The following COMMD9 variants were observed in gnomAD, a reference collection of about 807,000 sequenced individuals.
COMMD9 encodes the protein COMM domain containing 9.
COMMD9 carries 22 observed loss-of-function variants against 23.4 expected under a neutral mutation model. The ratio of observed to expected loss-of-function variants is 0.94; its 90% CI spans 0.67 to 1.34. The LOEUF is 1.34. Ranked by LOEUF, COMMD9 falls within the 40% of genes most tolerant of loss-of-function variation. COMMD9 has a pLI of 0.00. For synonymous variants in COMMD9, 99 were observed against 97.4 expected (o/e 1.02, Z -0.10); for missense variants, 231 against 240.2 (o/e 0.96, Z 0.25).
intron 3 of COMMD9, among the ~76,000 whole-genome samples, chr11:36,277,689 G>C (rs754811831): frequency 2.0e-5 from 3 of 150,160 alleles, no homozygotes; most frequent in Admixed American, 1.3e-4. Context: ...TGTTTAAAAG[G>C]AACTTCCCAG....
In COMMD9 at chr11:36,280,706, A is replaced by G; in HGVS notation, c.177+6T>C. The G allele has an allele frequency of 6.3e-7, 1 of 1,588,986 alleles. No individual in the cohort carries two copies. Among genetic ancestry groups the G allele is most frequent in the East Asian group, 2.2e-5 (1 of 44,570 alleles). Reference sequence around the variant, plus strand: ...GTGGCCAAAGATCATTTCTGACCACACTTACTTCCTCTGCCTCCTCCTGGG... The same window carrying G: ...GTGGCCAAAGATCATTTCTGACCACGCTTACTTCCTCTGCCTCCTCCTGGG... On this transcript the variant is annotated splice_donor_region_variant and intron_variant, in intron 2 of 5. Transcript: ENST00000263401.
At chr11:36,284,609 TATC>T (rs1856121841) in intron 1 of COMMD9, among the ~76,000 whole-genome samples, 1 of 152,210 alleles carries the variant, frequency 6.6e-6, no homozygotes, top group Admixed American at 6.5e-5. Flanking sequence ...TACCCAGACA[TATC>T]ATATTCTGGG....
In COMMD9 at chr11:36,272,484, C is replaced by G. The variant is rs7933884; in HGVS notation, c.*2148G>C. 0.22 allele frequency: 34,116 copies of G among 152,158 alleles called. 4,147 individuals are homozygous for G. The highest frequency in any genetic ancestry group is 0.31 in the African/African-American group (12,941 of 41,440). The allele number at this position is 152,158 out of a possible 1,614,324, so 9.4% of individuals were successfully genotyped here. A position where few individuals can be genotyped will look rare whatever the true frequency, so the allele number is the denominator to read the frequency against. ...GGGAGGCCAAGAGGAAGGTATCTGACATCTCTCTCTGCAGGTCATGGGGAA... is the reference window on the plus strand; with the variant it reads ...GGGAGGCCAAGAGGAAGGTATCTGAGATCTCTCTCTGCAGGTCATGGGGAA... On this transcript the variant is annotated 3_prime_UTR_variant, in exon 6 of 6. Transcript: ENST00000263401.
At chr11:36,282,187 T>A (rs979757032) in intron 1 of COMMD9, among the ~76,000 whole-genome samples, 1 of 152,028 alleles carries the variant, frequency 6.6e-6, no homozygotes, top group Non-Finnish European at 1.5e-5. Flanking sequence ...TTTGTATCAT[T>A]GGAGTCCTGG....
In COMMD9 at chr11:36,278,591, G is replaced by GT; in HGVS notation, c.202dup (p.Thr68AsnfsTer2). On this transcript the variant is annotated frameshift_variant, in exon 3 of 6. Transcript: ENST00000263401. LOFTEE classifies it high-confidence loss of function. ...CAGGTCACGGAATGCCACCAGCCTAGTGAGGCGGTGCAGAGCCTGGAGCAG... is the reference window on the plus strand; with the variant it reads ...CAGGTCACGGAATGCCACCAGCCTAGTTGAGGCGGTGCAGAGCCTGGAGCAG... The GT allele has an allele frequency of 6.2e-7, 1 of 1,614,174 alleles. No homozygotes were observed. The highest frequency in any genetic ancestry group is 1.1e-5 in the South Asian group (1 of 91,090).
chr11:36,276,268 C>T, intron 4 of COMMD9, 28 bp from the exon 5 acceptor site: 1 of 1,499,708 alleles, frequency 6.7e-7, no homozygotes, highest in South Asian at 1.1e-5. Context: ...CAGCTCAATG[C>T]TCATGCCGCC....
At chr11:36,285,397 T>C (rs141229152) in intron 1 of COMMD9, among the ~76,000 whole-genome samples, 3 of 152,202 alleles carry the variant, frequency 2.0e-5, no homozygotes, top group South Asian at 2.1e-4. Flanking sequence ...TAGACCCAGA[T>C]AGTTTAACTG....
Position 36,274,677 on chromosome 11 carries a change from G to T in COMMD9, c.552C>A (p.Gly184=), listed in dbSNP as rs567293944. The change falls in exon 6 of 6, where the codon GGC becomes GGA. Residue 184 remains glycine (G), a synonymous_variant. Transcript: ENST00000263401. ...SKETLDTMLD[G]LGRIRDQLSA... The stretch of plus-strand genomic sequence containing the variant: ...AGAGTTGGTCTCGGATGCGGCCCAG[G>T]CCATCTAACATGGTGTCCAGTGTTT... The T allele has an allele frequency of 2.5e-6, 4 of 1,614,262 alleles. No individual in the cohort carries two copies. In the South Asian group the frequency reaches 3.3e-5, roughly 13 times the overall value.
chr11:36,283,261 C>G (rs1258821709), intron 1 of COMMD9, among the ~76,000 whole-genome samples: 1 of 152,196 alleles, frequency 6.6e-6, no homozygotes, highest in Non-Finnish European at 1.5e-5. Context: ...TAAACCATCA[C>G]AATCAGGAAG....
chr11:36,276,330 A>G, intron 4 of COMMD9, 90 bp from the exon 5 acceptor site: 2 of 827,320 alleles, frequency 2.4e-6, no homozygotes, highest in Non-Finnish European at 4.2e-6. Flanking sequence ...GACTGCACAC[A>G]TGCAATGCAT....
Position 36,274,212 on chromosome 11 carries a change from C to T in COMMD9, c.*420G>A. The stretch of plus-strand genomic sequence containing the variant: ...AACTGCTGGCATCACCTGTCCGATT[C>T]CCTCCATGTGTTCTGGGATTGGAAA... On this transcript the variant is annotated 3_prime_UTR_variant, in exon 6 of 6. Coordinates refer to ENST00000263401, the MANE Select transcript of COMMD9 (RefSeq NM_014186.4). 1 of 456,198 alleles carries T rather than the reference C, an allele frequency of 2.2e-6. No homozygotes were observed. The highest frequency in any genetic ancestry group is 1.6e-5 in the South Asian group (1 of 64,446). The allele number at this position is 456,198 out of a possible 1,614,324, so 28.3% of individuals were successfully genotyped here. A position where few individuals can be genotyped will look rare whatever the true frequency, so the allele number is the denominator to read the frequency against.
rs1855911138 is a variant in COMMD9, at chr11:36,273,437, A to T, written c.*1195T>A. 1 of 152,198 alleles carries T rather than the reference A, an allele frequency of 6.6e-6. No homozygotes were observed. The highest frequency in any genetic ancestry group is 2.4e-5 in the African/African-American group (1 of 41,456). The allele number at this position is 152,198 out of a possible 1,614,324, so 9.4% of individuals were successfully genotyped here. ...AAACTCGAAGGAGTGCCTTCATCAT[A>T]GCTCTTGTAACAAGCACATACTGAT... On this transcript the variant is annotated 3_prime_UTR_variant, in exon 6 of 6. Transcript: ENST00000263401.
chr11:36,276,397 C>T (rs1354423772), intron 4 of COMMD9, 157 bp from the exon 5 acceptor site: 9 of 607,214 alleles, frequency 1.5e-5, no homozygotes, highest in Admixed American at 7.9e-5. Flanking sequence ...AGACCCACAG[C>T]GAGTCATGTG....
intron 1 of COMMD9, among the ~76,000 whole-genome samples, chr11:36,287,136 CGCGT>C (rs1565359785): frequency 8.8e-5 from 5 of 57,114 alleles, no homozygotes; most frequent in African/African-American, 1.3e-4. Context: ...CTATGTATAT[CGCGT>C]AGTATGTATA....
chr11:36,288,237 T>C (rs974292664), intron 1 of COMMD9, among the ~76,000 whole-genome samples: 3 of 151,712 alleles, frequency 2.0e-5, no homozygotes, highest in Non-Finnish European at 4.4e-5. Context: ...AGAATGCTAA[T>C]GAACACTGAG....
chr11:36,286,410 A>G (rs867308197), intron 1 of COMMD9, among the ~76,000 whole-genome samples: 6 of 104,826 alleles, frequency 5.7e-5, no homozygotes, highest in African/African-American at 2.3e-4. Context: ...AAAAAAAAAA[A>G]AAAGAAAGAA....
chr11:36,275,603 C>G (rs1032790436), intron 5 of COMMD9, among the ~76,000 whole-genome samples: 8 of 152,128 alleles, frequency 5.3e-5, no homozygotes, highest in Non-Finnish European at 8.8e-5. Context: ...GCCACCACGC[C>G]CGGCTTATTT....
In COMMD9 at chr11:36,274,410, C is replaced by T. The variant is rs1855933609; in HGVS notation, c.*222G>A. On this transcript the variant is annotated 3_prime_UTR_variant, in exon 6 of 6. Transcript: ENST00000263401. ...AGGAGCTTTTCAAAGATGGGGGCTT[C>T]TGCTCTCCAGCTTCAGAAAGAGAAA... The T allele has an allele frequency of 8.5e-6, 6 of 706,974 alleles. No homozygotes were observed. The highest frequency in any genetic ancestry group is 1.5e-5 in the Non-Finnish European group (6 of 391,656). 43.8% of individuals were successfully genotyped at this position (706,974 alleles called of 1,614,324 possible). A position where few individuals can be genotyped will look rare whatever the true frequency, so the allele number is the denominator to read the frequency against.
At chr11:36,276,350 C>T in intron 4 of COMMD9, 110 bp from the exon 5 acceptor site, 1 of 708,704 alleles carries the variant, frequency 1.4e-6, no homozygotes, top group East Asian at 2.6e-5. Flanking sequence ...TTGGTCTATG[C>T]AGCAAGTCTC....
Sources: allele counts gnomAD v4.1 joint callset (sites outside exome capture counted in the v4.1 genomes callset), GRCh38; gene constraint gnomAD v4.1.1; transcripts MANE v1.5; gene names NCBI Gene and HGNC (gene_info 2026-07-23, HGNC 2026-07-21).